SGCZ: variants seen among roughly 807,000 people sequenced by gnomAD.
SGCZ encodes zeta-sarcoglycan.
Under a neutral mutation model 41.3 loss-of-function variants are expected in SGCZ, and 40 were observed. The observed-to-expected ratio is 0.97, with a 90% CI of 0.75 to 1.26. The LOEUF (loss-of-function observed/expected upper bound fraction) is 1.26, where lower values mean the gene tolerates loss of function less well. Among genes scored for constraint, SGCZ ranks in the 50% most tolerant of loss-of-function variants. The pLI, the probability that SGCZ is intolerant of heterozygous loss-of-function variation, is 0.00. For missense variants in SGCZ, 552 were observed against 369.8 expected (o/e 1.49, Z -4.04); for synonymous variants, 206 against 137.5 (o/e 1.50, Z -3.49).
intron 5 of SGCZ, among the ~76,000 whole-genome samples, chr8:14,157,160 G>A (rs1331106093): frequency 6.6e-6 from 1 of 151,676 alleles, no homozygotes; most frequent in East Asian, 1.9e-4. Context: ...GGATGCTTAT[G>A]ACATCACTAG....
intron 2 of SGCZ, among the ~76,000 whole-genome samples, chr8:14,333,712 G>A (rs766492266): frequency 1.3e-5 from 2 of 152,010 alleles, no homozygotes; most frequent in Non-Finnish European, 2.9e-5. Flanking sequence ...CCACCTTTTA[G>A]AGTAGGTGAA....
intron 1 of SGCZ, among the ~76,000 whole-genome samples, chr8:14,994,371 C>G (rs983437952): frequency 6.6e-6 from 1 of 152,162 alleles, no homozygotes; most frequent in Admixed American, 6.5e-5. Flanking sequence ...ATTGCCTGAG[C>G]TCAGGAGTTC....
intron 1 of SGCZ, among the ~76,000 whole-genome samples, chr8:14,880,184 G>A (rs549902727): frequency 9.2e-5 from 14 of 152,052 alleles, no homozygotes; most frequent in Non-Finnish European, 1.8e-4. Context: ...GCTCCTGTAT[G>A]GCATTCTACT....
intron 4 of SGCZ, among the ~76,000 whole-genome samples, chr8:14,214,835 T>G (rs1483904319): frequency 6.6e-6 from 1 of 152,104 alleles, no homozygotes; most frequent in Non-Finnish European, 1.5e-5. Context: ...TAAGCAGGTA[T>G]GCACCAAATA....
intron 1 of SGCZ, among the ~76,000 whole-genome samples, chr8:14,612,987 A>T (rs1422616122): frequency 1.3e-5 from 2 of 152,108 alleles, no homozygotes; most frequent in Non-Finnish European, 2.9e-5. Flanking sequence ...TGCCCAGGAA[A>T]AAGCAGATTT....
intron 1 of SGCZ, among the ~76,000 whole-genome samples, chr8:14,633,443 A>G (rs545140886): frequency 1.3e-4 from 20 of 152,140 alleles, no homozygotes; most frequent in African/African-American, 4.6e-4. Context: ...TTAACATATA[A>G]CAAGCATGAA....
intron 1 of SGCZ, among the ~76,000 whole-genome samples, chr8:15,138,532 C>T (rs1452079735): frequency 1.3e-5 from 2 of 152,084 alleles, no homozygotes; most frequent in Non-Finnish European, 2.9e-5. Context: ...TTGGAAGTAA[C>T]TGAAGCATGA....
intron 3 of SGCZ, among the ~76,000 whole-genome samples, chr8:14,305,149 A>G (rs550009184): frequency 6.6e-6 from 1 of 152,340 alleles, no homozygotes; most frequent in African/African-American, 2.4e-5. Flanking sequence ...TCATTTTAAT[A>G]TAACATTAAG....
intron 1 of SGCZ, among the ~76,000 whole-genome samples, chr8:15,039,431 A>T (rs1006251220): frequency 2.0e-5 from 3 of 152,272 alleles, no homozygotes; most frequent in Admixed American, 1.3e-4. Flanking sequence ...TCCAACTCAG[A>T]AGTAGAGAAT....
chr8:14,414,032 T>A (rs1029190593), intron 2 of SGCZ, among the ~76,000 whole-genome samples: 2 of 152,020 alleles, frequency 1.3e-5, no homozygotes, highest in African/African-American at 2.4e-5. Flanking sequence ...TAACATTATT[T>A]GAATTTATAC....
rs185380565 is a variant in SGCZ, at chr8:14,799,789, G to A, written c.40-244863C>T. Among the ~76,000 whole-genome samples, 89 of 151,870 alleles carry A rather than the reference G, an allele frequency of 5.9e-4. 1 individual carries two copies. Among genetic ancestry groups the A allele is most frequent in the Admixed American group, 3.5e-3 (54 of 15,254 alleles). ...CCTCATGCCCCTTTGCCTACTTCTCGCTGGCCTGCAGTAATTCACATGACC... is the reference window on the plus strand; with the variant it reads ...CCTCATGCCCCTTTGCCTACTTCTCACTGGCCTGCAGTAATTCACATGACC... On this transcript the variant is annotated intron_variant, in intron 1 of 7. Transcript: ENST00000382080.
intron 1 of SGCZ, among the ~76,000 whole-genome samples, chr8:15,053,116 T>C (rs544964306): frequency 3.3e-5 from 5 of 152,224 alleles, no homozygotes; most frequent in Middle Eastern, 3.4e-3. Flanking sequence ...TGTGTCTAGT[T>C]TGCAAAATTC....
At chr8:14,683,240 T>A (rs1012201934) in intron 1 of SGCZ, among the ~76,000 whole-genome samples, 1 of 152,132 alleles carries the variant, frequency 6.6e-6, no homozygotes, top group Non-Finnish European at 1.5e-5. Flanking sequence ...CAATAAATGC[T>A]TACGATTACA....
intron 1 of SGCZ, among the ~76,000 whole-genome samples, chr8:14,654,602 C>T (rs990764266): frequency 6.6e-5 from 10 of 151,976 alleles, no homozygotes; most frequent in Admixed American, 3.3e-4. Flanking sequence ...GACAGAGTCT[C>T]GCTCTGTCGC....
At chr8:14,795,470 G>C (rs540288181) in intron 1 of SGCZ, among the ~76,000 whole-genome samples, 24 of 152,018 alleles carry the variant, frequency 1.6e-4, no homozygotes, top group Middle Eastern at 3.4e-3. Context: ...TTTGAGACAG[G>C]TTCTTGCTGT....
chr8:14,662,149 C>A (rs199848337), intron 1 of SGCZ, among the ~76,000 whole-genome samples: 2 of 146,772 alleles, frequency 1.4e-5, no homozygotes, highest in Non-Finnish European at 1.5e-5. Flanking sequence ...CTACTCTCTC[C>A]CCTTCTCACT....
chr8:14,411,768 A>T (rs974182679), intron 2 of SGCZ, among the ~76,000 whole-genome samples: 2 of 152,134 alleles, frequency 1.3e-5, no homozygotes, highest in African/African-American at 2.4e-5. Flanking sequence ...AATATTAGTC[A>T]TCAATAAAAC....
chr8:14,711,139 G>C (rs1026715386), intron 1 of SGCZ, among the ~76,000 whole-genome samples: 1 of 152,180 alleles, frequency 6.6e-6, no homozygotes, highest in African/African-American at 2.4e-5. Context: ...ACTAGAAATA[G>C]AAGACATACT....
chr8:14,417,566 C>T (rs925537598), intron 2 of SGCZ, among the ~76,000 whole-genome samples: 1 of 151,612 alleles, frequency 6.6e-6, no homozygotes, highest in African/African-American at 2.4e-5. Context: ...CCCTTAATTT[C>T]GTTTCTTACA....
Sources: allele counts gnomAD v4.1 joint callset (sites outside exome capture counted in the v4.1 genomes callset), GRCh38; gene constraint gnomAD v4.1.1; transcripts MANE v1.5; gene names NCBI Gene and HGNC (gene_info 2026-07-23, HGNC 2026-07-21).